FRAS1: variants seen among roughly 807,000 people sequenced by gnomAD.
The protein encoded by FRAS1 is Fraser extracellular matrix complex subunit 1, also known as extracellular matrix organizing protein FRAS1.
Under a neutral mutation model 435.2 loss-of-function variants are expected in FRAS1, and 290 were observed. The observed-to-expected ratio is 0.67, with a 90% CI of 0.61 to 0.73. The LOEUF is 0.73. Ranked by LOEUF, FRAS1 falls within the 30% of genes least tolerant of loss-of-function variation. The pLI, the probability that FRAS1 is intolerant of heterozygous loss-of-function variation, is 0.00. For missense variants in FRAS1, 4,860 were observed against 5,001.5 expected (o/e 0.97, Z 0.85); for synonymous variants, 1,800 against 1,851.0 (o/e 0.97, Z 0.71).
intron 2 of FRAS1, among the ~76,000 whole-genome samples, chr4:78,163,214 C>A (rs1418522920): frequency 2.0e-5 from 3 of 152,202 alleles, no homozygotes; most frequent in Admixed American, 6.5e-5. Context: ...TTTTATTCCA[C>A]ATTTTCACAT....
chr4:78,363,251 C>T (rs1001720358), intron 20 of FRAS1, among the ~76,000 whole-genome samples: 16 of 152,138 alleles, frequency 1.1e-4, no homozygotes, highest in Admixed American at 1.3e-4. Context: ...TCACGTGACA[C>T]CCTCGTATCT....
At chr4:78,232,590 A>G (rs951212328) in intron 2 of FRAS1, among the ~76,000 whole-genome samples, 2 of 152,240 alleles carry the variant, frequency 1.3e-5, no homozygotes, top group African/African-American at 4.8e-5. Flanking sequence ...TGGCTGGTAC[A>G]AGGAAGATTT....
intron 2 of FRAS1, among the ~76,000 whole-genome samples, chr4:78,146,077 GACT>G (rs751822393): frequency 1.6e-4 from 25 of 152,008 alleles, no homozygotes; most frequent in Non-Finnish European, 3.7e-4. Context: ...CATGAGAATG[GACT>G]ACTACAAGTA....
intron 2 of FRAS1, among the ~76,000 whole-genome samples, chr4:78,194,370 A>C (rs959980424): frequency 2.8e-4 from 42 of 152,276 alleles, no homozygotes; most frequent in African/African-American, 5.1e-4. Flanking sequence ...AGAGTGTTTT[A>C]CAACTTGGTT....
rs1217426025 is a variant in FRAS1 at position 78,419,081 on chromosome 4, T to A, written c.4540+18T>A. 7.3e-7 allele frequency: 1 copy of A among 1,376,526 alleles called. No individual in the cohort carries two copies. Among genetic ancestry groups the A allele is most frequent in the African/African-American group, 1.5e-5 (1 of 67,334 alleles). 85.3% of individuals were successfully genotyped at this position (1,376,526 alleles called of 1,614,324 possible). On this transcript the variant is annotated intron_variant, in intron 33 of 73. Transcript: ENST00000512123. ...AAATCAAGGTAAGATGTGCAGTAAA[T>A]GATCTTTTGAGTGATATTATTATCT...
At chr4:78,482,005 C>T (rs1375876634) in intron 57 of FRAS1, 41 bp downstream of exon 57, 8 of 1,590,760 alleles carry the variant, frequency 5.0e-6, no homozygotes, top group Admixed American at 3.6e-5. Flanking sequence ...GTTGACAGGT[C>T]GGTTTGTGAA....
intron 47 of FRAS1, among the ~76,000 whole-genome samples, chr4:78,454,421 A>G (rs112005450): frequency 6.6e-5 from 10 of 152,254 alleles, no homozygotes; most frequent in African/African-American, 2.2e-4. Context: ...TAGTACGTGT[A>G]TGGCAGGAGG....
chr4:78,059,135 C>A (rs1264031477), intron 1 of FRAS1, among the ~76,000 whole-genome samples: 1 of 152,176 alleles, frequency 6.6e-6, no homozygotes, highest in Non-Finnish European at 1.5e-5. Flanking sequence ...GGGCGCAGGG[C>A]GGGCCGCCTT....
chr4:78,498,643 GA>G (rs1720581889), intron 60 of FRAS1, among the ~76,000 whole-genome samples: 1 of 152,034 alleles, frequency 6.6e-6, no homozygotes, highest in African/African-American at 2.4e-5. Context: ...TTCTGAGAGG[GA>G]AAGAAACGGA....
At chr4:78,288,533 C>T (rs552730249) in intron 14 of FRAS1, among the ~76,000 whole-genome samples, 5 of 152,258 alleles carry the variant, frequency 3.3e-5, no homozygotes, top group Middle Eastern at 3.4e-3. Context: ...TAGTGGTTTA[C>T]GTAGCTCACT....
At chr4:78,153,147 G>A (rs533539825) in intron 2 of FRAS1, among the ~76,000 whole-genome samples, 1 of 152,226 alleles carries the variant, frequency 6.6e-6, no homozygotes, top group East Asian at 1.9e-4. Context: ...CTTATCCCTA[G>A]AGGATTTTGT....
chr4:78,087,281 A>T (rs1741233094), intron 2 of FRAS1, among the ~76,000 whole-genome samples: 1 of 151,992 alleles, frequency 6.6e-6, no homozygotes, highest in South Asian at 2.1e-4. Context: ...ATCTCAAAAT[A>T]ATAAGAGCTA....
At chr4:78,540,390 A>G (rs547502552) in intron 73 of FRAS1, 141 bp from the exon 74 acceptor site, 5 of 503,908 alleles carry the variant, frequency 9.9e-6, no homozygotes, top group South Asian at 5.5e-5. Flanking sequence ...TTCTCTATGT[A>G]TTAGTAGACA....
intron 47 of FRAS1, among the ~76,000 whole-genome samples, chr4:78,454,442 A>G (rs1307996105): frequency 6.6e-6 from 1 of 152,160 alleles, no homozygotes; most frequent in East Asian, 1.9e-4. Flanking sequence ...GCATGCAGAG[A>G]GATGGACAGA....
At chr4:78,309,830 A>C (rs1401110452) in intron 15 of FRAS1, among the ~76,000 whole-genome samples, 1 of 152,174 alleles carries the variant, frequency 6.6e-6, no homozygotes. Flanking sequence ...TTTGATGGTC[A>C]TACCTATAGA....
intron 14 of FRAS1, among the ~76,000 whole-genome samples, chr4:78,290,210 T>A (rs1461633719): frequency 6.6e-6 from 1 of 152,236 alleles, no homozygotes. Context: ...CATAAGGTTG[T>A]AATCTTTGAA....
chr4:78,282,999 A>G (rs767266750), intron 12 of FRAS1, 32 bp downstream of exon 12: 4 of 1,396,722 alleles, frequency 2.9e-6, no homozygotes, highest in Middle Eastern at 2.1e-4. Context: ...TTCTACTGAG[A>G]TAGTTTTACT....
chr4:78,307,628 T>A, intron 14 of FRAS1, among the ~76,000 whole-genome samples: 1 of 152,230 alleles, frequency 6.6e-6, no homozygotes, highest in East Asian at 1.9e-4. Flanking sequence ...CCAGGTGCCG[T>A]CTGTCACCCC....
chr4:78,540,148 A>G (rs1406350982), intron 73 of FRAS1, among the ~76,000 whole-genome samples: 2 of 152,244 alleles, frequency 1.3e-5, no homozygotes, highest in African/African-American at 4.8e-5. Context: ...TAAATAGTAA[A>G]TTGGCATAAC....
Sources: gnomAD v4.1 joint callset for allele counts (sites outside exome capture counted in the v4.1 genomes callset) on GRCh38, gnomAD v4.1.1 for gene constraint, MANE v1.5 for transcripts, NCBI Gene and HGNC (gene_info 2026-07-23, HGNC 2026-07-21) for gene names.